The following DCAKD variants were observed in gnomAD, a reference collection of about 807,000 sequenced individuals.
The protein encoded by DCAKD is dephospho-CoA kinase domain-containing protein.
In DCAKD, 15 loss-of-function variants were observed where a neutral mutation model predicts 18.7. The ratio of observed to expected loss-of-function variants is 0.80; its 90% CI spans 0.54 to 1.24. The LOEUF (loss-of-function observed/expected upper bound fraction) is 1.24, where lower values mean the gene tolerates loss of function less well. Ranked by LOEUF, DCAKD falls within the 50% of genes most tolerant of loss-of-function variation. The pLI, the probability that DCAKD is intolerant of heterozygous loss-of-function variation, is 0.00. For synonymous variants in DCAKD, 130 were observed against 133.0 expected, an observed-to-expected ratio of 0.98 and a Z score of 0.16; for missense variants, 301 against 322.0, an observed-to-expected ratio of 0.93 and a Z score of 0.50.
chr17:45,053,971 A>G, upstream of DCAKD: 2 of 465,694 alleles, frequency 4.3e-6, no homozygotes, highest in Non-Finnish European at 8.6e-6. Flanking sequence ...CTACTACTAC[A>G]ATACCCAGTG....
intron 1 of DCAKD, among the ~76,000 whole-genome samples, chr17:45,038,233 T>G (rs7220106): frequency 0.39 from 58,911 of 151,948 alleles, 12,034 homozygotes; most frequent in African/African-American, 0.46. Context: ...TGCACCACCA[T>G]GCCTGGCTGA....
intron 3 of DCAKD, among the ~76,000 whole-genome samples, chr17:45,032,350 G>T (rs2053188895): frequency 6.6e-6 from 1 of 152,170 alleles, no homozygotes; most frequent in African/African-American, 2.4e-5. Context: ...CGGACGGGAG[G>T]GGGTTGGGGT....
At chr17:45,037,261 T>C (rs2053321653) in intron 1 of DCAKD, among the ~76,000 whole-genome samples, 3 of 151,340 alleles carry the variant, frequency 2.0e-5, no homozygotes, top group African/African-American at 7.3e-5. Context: ...AGACCAGGAG[T>C]TCGAGGCCAG....
intron 4 of DCAKD, 56 bp from the exon 5 acceptor site, chr17:45,024,780 C>T (rs1399962477): frequency 3.3e-6 from 5 of 1,507,618 alleles, no homozygotes; most frequent in East Asian, 2.3e-5. Context: ...CCCCAAGTTA[C>T]AGGGATAGGC....
upstream of DCAKD, among the ~76,000 whole-genome samples, chr17:45,054,355 C>T (rs931030763): frequency 6.6e-6 from 1 of 151,984 alleles, no homozygotes; most frequent in African/African-American, 2.4e-5. Context: ...TCAAGTGATT[C>T]TCCTGCCTCA....
At chr17:45,028,691 T>C (rs2053109996) in intron 4 of DCAKD, among the ~76,000 whole-genome samples, 1 of 150,354 alleles carries the variant, frequency 6.7e-6, no homozygotes. Context: ...ATTATAGGCA[T>C]GAGCCACTGC....
intron 1 of DCAKD, among the ~76,000 whole-genome samples, chr17:45,049,489 C>CT (rs202044633): frequency 0.1 from 14,102 of 140,380 alleles, 740 homozygotes; most frequent in East Asian, 0.16. Context: ...AAAAGTGGTT[C>CT]TTTTTTTTTT....
intron 1 of DCAKD, among the ~76,000 whole-genome samples, chr17:45,036,821 G>T (rs1322512251): frequency 6.6e-6 from 1 of 152,170 alleles, no homozygotes; most frequent in Non-Finnish European, 1.5e-5. Context: ...CAAAGGCCAG[G>T]TCTCTCCCAC....
chr17:45,030,752 C>T (rs995657079), intron 3 of DCAKD, among the ~76,000 whole-genome samples: 1 of 152,250 alleles, frequency 6.6e-6, no homozygotes, highest in Admixed American at 6.5e-5. Context: ...GAGAGGCTCA[C>T]GTTGGGGCGG....
At chr17:45,041,306 C>T (rs990777277) in intron 1 of DCAKD, among the ~76,000 whole-genome samples, 9 of 152,092 alleles carry the variant, frequency 5.9e-5, no homozygotes, top group African/African-American at 2.2e-4. Flanking sequence ...TGTCCCTGAA[C>T]ATGCGGGCTC....
upstream of DCAKD, among the ~76,000 whole-genome samples, chr17:45,056,600 G>A (rs927032562): frequency 2.0e-5 from 3 of 151,600 alleles, no homozygotes; most frequent in Admixed American, 6.6e-5. Flanking sequence ...TCAGCCTCCC[G>A]AGTAGCTGGG....
exon 1 of DCAKD, chr17:45,060,972 T>C (rs2053844102): frequency 2.9e-6 from 3 of 1,024,682 alleles, no homozygotes; most frequent in South Asian, 6.8e-5. Flanking sequence ...AAATCAAACC[T>C]CGGATTTTGG....
At chr17:45,042,035 G>C (rs1320164120) in intron 1 of DCAKD, among the ~76,000 whole-genome samples, 1 of 151,992 alleles carries the variant, frequency 6.6e-6, no homozygotes, top group African/African-American at 2.4e-5. Context: ...AGGACTGCTT[G>C]AGCCCAGGAG....
In DCAKD at chr17:45,023,727, A is replaced by T. The variant is rs1318612977; in HGVS notation, c.*706T>A. On this transcript the variant is annotated 3_prime_UTR_variant, in exon 5 of 5. Transcript: ENST00000651974. The stretch of plus-strand genomic sequence containing the variant: ...GCAAGGATGGTGTACACGGAATACC[A>T]AGAGGTCCAGGCGAGAAGCAGGGGT... The T allele has an allele frequency of 6.6e-6, 1 of 152,452 alleles. No homozygotes were observed. The highest frequency in any genetic ancestry group is 1.5e-5 in the Non-Finnish European group (1 of 68,184). The allele number at this position is 152,452 out of a possible 1,614,324, so 9.4% of individuals were successfully genotyped here.
intron 1 of DCAKD, among the ~76,000 whole-genome samples, chr17:45,039,083 G>A (rs368489597): frequency 1.3e-5 from 2 of 152,202 alleles, no homozygotes; most frequent in African/African-American, 4.8e-5. Flanking sequence ...CCCTGGGCCT[G>A]CTGTATGAGT....
chr17:45,045,226 C>T (rs2053539284), intron 1 of DCAKD, among the ~76,000 whole-genome samples: 1 of 152,176 alleles, frequency 6.6e-6, no homozygotes, highest in African/African-American at 2.4e-5. Flanking sequence ...AGCAGGGGAA[C>T]TGGGGACCTT....
chr17:45,061,009 A>G (rs1645460705), exon 1 of DCAKD: 1 of 1,115,194 alleles, frequency 9.0e-7, no homozygotes, highest in African/African-American at 1.6e-5. Context: ...ACCCTAAACC[A>G]GCATCGAACT....
chr17:45,026,234 T>TC (rs1315099781), intron 4 of DCAKD, among the ~76,000 whole-genome samples: 4 of 147,436 alleles, frequency 2.7e-5, no homozygotes, highest in Non-Finnish European at 6.0e-5. Flanking sequence ...TTTTTTTTTT[T>TC]TTTCTTTTTT....
intron 1 of DCAKD, among the ~76,000 whole-genome samples, chr17:45,049,502 T>TC (rs2053642504): frequency 6.6e-6 from 1 of 151,666 alleles, no homozygotes; most frequent in African/African-American, 2.4e-5. Flanking sequence ...TTTTTTTTTT[T>TC]CAAAAGATGA....
Sources: allele counts gnomAD v4.1 joint callset (sites outside exome capture counted in the v4.1 genomes callset), GRCh38; gene constraint gnomAD v4.1.1; transcripts MANE v1.5; gene names NCBI Gene and HGNC (gene_info 2026-07-23, HGNC 2026-07-21).